Variants in POU6F2 observed in about 807,000 individuals in gnomAD.
The protein encoded by POU6F2 is POU domain, class 6, transcription factor 2.
Under a neutral mutation model 71.3 loss-of-function variants are expected in POU6F2, and 31 were observed. The observed-to-expected ratio is 0.43, with a 90% CI of 0.33 to 0.59. POU6F2 has a LOEUF of 0.59. Ranked by LOEUF, POU6F2 falls within the 20% of genes least tolerant of loss-of-function variation. The pLI is 0.04. For synonymous variants in POU6F2, 347 were observed against 355.7 expected (o/e 0.98, Z 0.27); for missense variants, 783 against 856.8 (o/e 0.91, Z 1.07).
chr7:39,354,543 A>G (rs1408499881), intron 5 of POU6F2, among the ~76,000 whole-genome samples: 1 of 152,212 alleles, frequency 6.6e-6, no homozygotes, highest in Non-Finnish European at 1.5e-5. Flanking sequence ...GATAAACACC[A>G]CTTTATACCA....
At chr7:39,246,474 G>A (rs768962004) in intron 4 of POU6F2, among the ~76,000 whole-genome samples, 88 of 152,188 alleles carry the variant, frequency 5.8e-4, no homozygotes, top group Non-Finnish European at 6.3e-4. Flanking sequence ...ATTAGTGGAA[G>A]ATGTGACCAA....
intron 4 of POU6F2, among the ~76,000 whole-genome samples, chr7:39,302,394 A>G (rs1285895908): frequency 1.3e-5 from 2 of 152,198 alleles, no homozygotes; most frequent in African/African-American, 4.8e-5. Flanking sequence ...CAAAGATAAA[A>G]TGTTTGGGTA....
rs1330093122 is a variant in POU6F2 at position 39,085,961 on chromosome 7, C to A, written c.207C>A (p.Ser69Arg). Reference sequence around the variant, plus strand: ...AGGACAAGGCTGCTACTTCAGACAGCGAGCTGAATGAGCCCCTGCTTGCGC... The same window carrying A: ...AGGACAAGGCTGCTACTTCAGACAGAGAGCTGAATGAGCCCCTGCTTGCGC... Reference protein sequence around the residue: ...RGEDKAATSDSELNEPLLAPV... With the variant: ...RGEDKAATSDRELNEPLLAPV... The change falls in exon 2 of 10, where the codon AGC becomes AGA. Residue 69 changes from serine (S) to arginine (R), a missense_variant. Around this residue, in one of 2 missense-constraint regions of POU6F2, gnomAD observed 572 missense variants for 572.9 expected, o/e 1.00. Transcript: ENST00000518318. 4 of 1,613,706 alleles carry A rather than the reference C, an allele frequency of 2.5e-6. No individual in the cohort carries two copies. Among genetic ancestry groups the A allele is most frequent in the South Asian group, 2.2e-5 (2 of 91,054 alleles).
At chr7:39,371,783 C>T (rs1245116275) in intron 5 of POU6F2, among the ~76,000 whole-genome samples, 6 of 152,184 alleles carry the variant, frequency 3.9e-5, no homozygotes, top group African/African-American at 9.7e-5. Context: ...AACTAGTTTA[C>T]GTTCAACCAC....
chr7:39,354,028 C>G (rs1412817166), intron 5 of POU6F2, among the ~76,000 whole-genome samples: 1 of 152,228 alleles, frequency 6.6e-6, no homozygotes, highest in Admixed American at 6.5e-5. Context: ...CACCCGCCCG[C>G]TCCAGGCGGC....
At chr7:39,133,499 G>A (rs542688961) in intron 2 of POU6F2, among the ~76,000 whole-genome samples, 23 of 152,198 alleles carry the variant, frequency 1.5e-4, no homozygotes, top group Non-Finnish European at 2.8e-4. Context: ...TTATGGGTTC[G>A]TTGGTGAATG....
At chr7:39,104,979 C>T (rs1223706923) in intron 2 of POU6F2, among the ~76,000 whole-genome samples, 1 of 152,104 alleles carries the variant, frequency 6.6e-6, no homozygotes. Context: ...CTGAAGGTTA[C>T]CTTTTTTATC....
chr7:39,337,457 C>T (rs77734541), intron 4 of POU6F2, among the ~76,000 whole-genome samples: 1,735 of 152,274 alleles, frequency 0.011, 48 homozygotes, highest in African/African-American at 0.039. Flanking sequence ...CTTTAACCTT[C>T]CCTGCTTAGG....
At chr7:39,117,893 C>T (rs891701286) in intron 2 of POU6F2, among the ~76,000 whole-genome samples, 5 of 152,072 alleles carry the variant, frequency 3.3e-5, no homozygotes, top group Non-Finnish European at 5.9e-5. Flanking sequence ...GGACACCCAG[C>T]CCAGCATAGG....
chr7:39,345,875 G>T (rs889398060), intron 5 of POU6F2, among the ~76,000 whole-genome samples: 10 of 152,138 alleles, frequency 6.6e-5, no homozygotes, highest in African/African-American at 2.4e-4. Context: ...AGCAAATGTT[G>T]ATTAGCCTAA....
intron 1 of POU6F2, among the ~76,000 whole-genome samples, chr7:39,046,943 TTTG>T (rs1210103982): frequency 6.6e-6 from 1 of 151,986 alleles, no homozygotes. Context: ...CCCAGCACCA[TTTG>T]TTAACAGACT....
At chr7:39,354,978 A>G (rs566501721) in intron 5 of POU6F2, among the ~76,000 whole-genome samples, 6 of 152,218 alleles carry the variant, frequency 3.9e-5, no homozygotes, top group African/African-American at 1.4e-4. Flanking sequence ...CCATTTATTC[A>G]TCACTGGGCC....
intron 2 of POU6F2, among the ~76,000 whole-genome samples, chr7:39,098,011 A>G (rs1791487678): frequency 6.6e-6 from 1 of 152,170 alleles, no homozygotes. Flanking sequence ...GTGACAAATG[A>G]CATTAGCAAT....
At chr7:39,458,733 G>A (rs180683497) in intron 8 of POU6F2, among the ~76,000 whole-genome samples, 58 of 149,788 alleles carry the variant, frequency 3.9e-4, no homozygotes, top group African/African-American at 1.1e-3. Flanking sequence ...TGCCCCGCCC[G>A]AGCTCATAGA....
chr7:39,218,043 G>A (rs1412683764), intron 4 of POU6F2, among the ~76,000 whole-genome samples: 1 of 152,146 alleles, frequency 6.6e-6, no homozygotes, highest in Non-Finnish European at 1.5e-5. Flanking sequence ...GTGATCCCCA[G>A]TTTGCACATA....
intron 4 of POU6F2, among the ~76,000 whole-genome samples, chr7:39,243,352 C>G (rs1783760510): frequency 6.6e-6 from 1 of 152,072 alleles, no homozygotes; most frequent in South Asian, 2.1e-4. Flanking sequence ...CATACCTCCA[C>G]TGCACCCCCT....
In POU6F2 at chr7:39,217,924, A is replaced by C. The variant is rs186576363; in HGVS notation, c.598+10304A>C. On this transcript the variant is annotated intron_variant, in intron 4 of 9. Coordinates refer to ENST00000518318, the MANE Select transcript of POU6F2 (RefSeq NM_001370959.1). ...CTAGTATACTGCGTATTTAAGAGAT[A>C]CTGTCAATGGAATAAAGCATTGTCA... Among the ~76,000 whole-genome samples, 80 of 152,304 alleles carry C rather than the reference A, an allele frequency of 5.3e-4. 1 individual carries two copies. The East Asian group carries it at 0.013, about 25-fold the overall frequency.
chr7:39,092,619 T>C (rs981043617), intron 2 of POU6F2, among the ~76,000 whole-genome samples: 3 of 152,190 alleles, frequency 2.0e-5, no homozygotes, highest in African/African-American at 7.2e-5. Flanking sequence ...ATCTGTGCTT[T>C]GACAATATGG....
In POU6F2 at chr7:39,085,965, CTGAA is replaced by C. The variant is rs1562700245; in HGVS notation, c.215_218del (p.Asn72SerfsTer54). 6.2e-7 allele frequency: 1 copy of C among 1,613,780 alleles called. No homozygotes were observed. The highest frequency in any genetic ancestry group is 8.5e-7 in the Non-Finnish European group (1 of 1,179,806). On this transcript the variant is annotated frameshift_variant, in exon 2 of 10. Transcript: ENST00000518318. LOFTEE classifies it high-confidence loss of function. The stretch of plus-strand genomic sequence containing the variant: ...CAAGGCTGCTACTTCAGACAGCGAG[CTGAA>C]TGAGCCCCTGCTTGCGCCTGTGGAA...
Sources: allele counts gnomAD v4.1 joint callset (sites outside exome capture counted in the v4.1 genomes callset), GRCh38; gene constraint gnomAD v4.1.1; regional missense constraint gnomAD v4.1.1; transcripts MANE v1.5; gene names NCBI Gene and HGNC (gene_info 2026-07-23, HGNC 2026-07-21).